Variants in KCTD17 observed in about 807,000 individuals in gnomAD.
KCTD17 encodes BTB/POZ domain-containing protein KCTD17.
A neutral mutation model predicts 41.5 loss-of-function variants in KCTD17; 20 were observed. The ratio of observed to expected loss-of-function variants is 0.48; its 90% CI spans 0.34 to 0.70. KCTD17 has a LOEUF of 0.70. Ranked by LOEUF, KCTD17 falls within the 30% of genes least tolerant of loss-of-function variation. The pLI, the probability that KCTD17 is intolerant of heterozygous loss-of-function variation, is 0.01. For synonymous variants in KCTD17, 156 were observed against 173.8 expected, an observed-to-expected ratio of 0.90 and a Z score of 0.80; for missense variants, 317 against 427.2, an observed-to-expected ratio of 0.74 and a Z score of 2.27.
rs569434734 is a variant in KCTD17, at chr22:37,059,769, G to A, written c.612+331G>A. Among the ~76,000 whole-genome samples, 11 of 152,336 alleles carry A rather than the reference G, an allele frequency of 7.2e-5. No individual in the cohort carries two copies. In the South Asian group the frequency reaches 1.7e-3, roughly 23 times the overall value. On this transcript the variant is annotated intron_variant, in intron 5 of 8. Coordinates refer to ENST00000403888, the MANE Select transcript of KCTD17 (RefSeq NM_001282684.2). ...GGCACTCTCTGTGTGACTTAGGACA[G>A]GGCTTGTCCTCTCCCAGCACCTTTG...
intron 3 of KCTD17, among the ~76,000 whole-genome samples, chr22:37,057,112 C>A (rs1263229607): frequency 6.6e-6 from 1 of 152,188 alleles, no homozygotes; most frequent in Non-Finnish European, 1.5e-5. Flanking sequence ...TCTCCTTCAC[C>A]CTTGAGCTGG....
intron 4 of KCTD17, 36 bp downstream of exon 4, chr22:37,057,529 C>G: frequency 6.5e-7 from 1 of 1,545,940 alleles, no homozygotes; most frequent in Non-Finnish European, 8.8e-7. Context: ...CCAGGACAAC[C>G]CTGGGACCTC....
intron 2 of KCTD17, among the ~76,000 whole-genome samples, chr22:37,055,973 G>A (rs893065669): frequency 1.3e-5 from 2 of 152,202 alleles, no homozygotes; most frequent in African/African-American, 2.4e-5. Context: ...ATAATCAGGG[G>A]TCAGGCAAGG....
intron 3 of KCTD17, 149 bp downstream of exon 3, chr22:37,056,560 G>A: frequency 3.1e-6 from 2 of 645,546 alleles, no homozygotes; most frequent in Non-Finnish European, 5.4e-6. Context: ...GAGAGGCATG[G>A]TTGGGCTGAC....
Position 37,051,851 on chromosome 22 carries a change from G to A in KCTD17, c.91G>A (p.Gly31Arg). ...GGGCAAGTGGGTGCGGCTCAACGTGGGGGGCACGGTGTTCCTGACCACCCG... is the reference window on the plus strand; with the variant it reads ...GGGCAAGTGGGTGCGGCTCAACGTGAGGGGCACGGTGTTCCTGACCACCCG... ...GWGKWVRLNV[G>R]GTVFLTTRQT... The change falls in exon 1 of 9, where the codon GGG (glycine) becomes AGG (arginine). Residue 31 changes from glycine (G) to arginine (R), a missense_variant. Gly to Arg is a moderately radical substitution (Grantham distance 125). Coordinates refer to ENST00000403888, the MANE Select transcript of KCTD17 (RefSeq NM_001282684.2). The A allele has an allele frequency of 6.8e-7, 1 of 1,463,162 alleles. No individual in the cohort carries two copies. The highest frequency in any genetic ancestry group is 9.0e-7 in the Non-Finnish European group (1 of 1,106,206). The allele number at this position is 1,463,162 out of a possible 1,614,324, so 90.6% of individuals were successfully genotyped here. A position where few individuals can be genotyped will look rare whatever the true frequency, so the allele number is the denominator to read the frequency against.
chr22:37,051,936 T>A lies in KCTD17; in HGVS notation c.176T>A (p.Leu59Gln). The change falls in exon 1 of 9, where the codon CTG (leucine) becomes CAG (glutamine). Residue 59 changes from leucine to glutamine, a missense_variant. Physicochemically the swap from Leu to Gln is moderately radical, Grantham distance 113. Coordinates refer to ENST00000403888, the MANE Select transcript of KCTD17 (RefSeq NM_001282684.2). ...AGCCGCCTGTGCCAGGGGGAAGAGC[T>A]GCAGTCGGACCGGGTGAGGCCCCCG... Reference protein sequence around the residue: ...FLSRLCQGEELQSDRDETGAY... With the variant: ...FLSRLCQGEEQQSDRDETGAY... 2 of 1,492,148 alleles carry A rather than the reference T, an allele frequency of 1.3e-6. No homozygotes were observed. Among genetic ancestry groups the A allele is most frequent in the Admixed American group, 2.1e-5 (1 of 47,542 alleles). The allele number at this position is 1,492,148 out of a possible 1,614,324, so 92.4% of individuals were successfully genotyped here. A position where few individuals can be genotyped will look rare whatever the true frequency, so the allele number is the denominator to read the frequency against.
chr22:37,056,284 G>A, intron 2 of KCTD17, 36 bp from the exon 3 acceptor site: 1 of 1,584,006 alleles, frequency 6.3e-7, no homozygotes, highest in East Asian at 2.3e-5. Context: ...CATGGAGGCA[G>A]AAGGAGTGAC....
At chr22:37,056,507 C>A in intron 3 of KCTD17, 96 bp downstream of exon 3, 1 of 1,029,954 alleles carries the variant, frequency 9.7e-7, no homozygotes, top group Non-Finnish European at 1.5e-6. Context: ...TTGGGAGAGA[C>A]AGGACCAGTG....
intron 1 of KCTD17, 162 bp downstream of exon 1, chr22:37,052,111 G>T (rs1042591163): frequency 3.4e-6 from 3 of 877,954 alleles, no homozygotes; most frequent in East Asian, 7.1e-5. Flanking sequence ...GGGGGAGGTG[G>T]GTCTGGTAGT....
Position 37,062,518 on chromosome 22 carries a change from T to C in KCTD17, c.876-7T>C, listed in dbSNP as rs775421289. ...ATCCTCCTGCCCTTCCCCTCTTTTTTTTCTAGCTGTTACAAGCCAGAGGCA... is the reference window on the plus strand; with the variant it reads ...ATCCTCCTGCCCTTCCCCTCTTTTTCTTCTAGCTGTTACAAGCCAGAGGCA... On this transcript the variant is annotated splice_region_variant and splice_polypyrimidine_tract_variant and intron_variant, in intron 8 of 8. Transcript: ENST00000403888. 1.9e-6 allele frequency: 3 copies of C among 1,612,516 alleles called. No homozygotes were observed. In the South Asian group the frequency reaches 3.3e-5, roughly 18 times the overall value.
chr22:37,052,095 AGGGGAG>A, intron 1 of KCTD17, 146 bp downstream of exon 1: 1 of 384,208 alleles, frequency 2.6e-6, no homozygotes, highest in Non-Finnish European at 3.9e-6. Flanking sequence ...CGGCAGGAGG[AGGGGAG>A]GGGGAGGTGG....
chr22:37,061,278 G>A lies in KCTD17; in HGVS notation c.784+103G>A, dbSNP rs1481540886. 5.9e-6 allele frequency: 9 copies of A among 1,536,826 alleles called. No homozygotes were observed. Among genetic ancestry groups the A allele is most frequent in the South Asian group, 2.4e-5 (2 of 83,446 alleles). On this transcript the variant is annotated intron_variant, in intron 7 of 8. Coordinates refer to ENST00000403888, the MANE Select transcript of KCTD17 (RefSeq NM_001282684.2). This position sits in a 1 kb window ranked among gnomAD's most constrained non-coding sequence, Gnocchi z 6.6. ...CCGGGTTTTCTCTCTGCCTGCTCACGCCTCCATCCCGGGTCTGCCCTGGTC... is the reference window on the plus strand; with the variant it reads ...CCGGGTTTTCTCTCTGCCTGCTCACACCTCCATCCCGGGTCTGCCCTGGTC...
chr22:37,056,380 G>A lies in KCTD17; in HGVS notation c.359G>A (p.Arg120Gln), dbSNP rs769868923. The stretch of plus-strand genomic sequence containing the variant: ...CCGCTGATCCGCATCATCAAAGACC[G>A]GATGGAAGAGAAGGACTACACGGTC... ...IGPLIRIIKD[R>Q]MEEKDYTVTQ... The change falls in exon 3 of 9, where the codon CGG (arginine) becomes CAG (glutamine). Residue 120 changes from arginine (R) to glutamine (Q), a missense_variant. By Grantham distance (43) the Arg-to-Gln change is conservative. Around this residue, in one of 4 missense-constraint regions of KCTD17, gnomAD observed 27 missense variants for 24.0 expected, o/e 1.13. Coordinates refer to ENST00000403888, the MANE Select transcript of KCTD17 (RefSeq NM_001282684.2). 1.4e-5 allele frequency: 23 copies of A among 1,613,560 alleles called. No individual in the cohort carries two copies. The highest frequency in any genetic ancestry group is 1.2e-4 in the South Asian group (11 of 90,998).
At chr22:37,058,461 C>T (rs1925392066) in intron 4 of KCTD17, among the ~76,000 whole-genome samples, 1 of 152,118 alleles carries the variant, frequency 6.6e-6, no homozygotes, top group African/African-American at 2.4e-5. Flanking sequence ...AAGCTTACAG[C>T]CCTCCGTAGG....
In KCTD17 at chr22:37,059,877, C is replaced by T. The variant is rs555256863; in HGVS notation, c.612+439C>T. ...TGGAACTTCTGGGATCCCAAATGGC[C>T]GTTTATTCCCCAGGGACAGGTGCAT... On this transcript the variant is annotated intron_variant, in intron 5 of 8. Transcript: ENST00000403888. Among the ~76,000 whole-genome samples the T allele has an allele frequency of 2.0e-5, 3 of 152,306 alleles. No homozygotes were observed. The East Asian group carries it at 5.8e-4, about 29-fold the overall frequency.
chr22:37,060,196 G>A (rs1313486096), intron 5 of KCTD17, among the ~76,000 whole-genome samples: 2 of 152,200 alleles, frequency 1.3e-5, no homozygotes, highest in Non-Finnish European at 2.9e-5. Context: ...GAAGAAGGCA[G>A]GCTGCTCCTC....
intron 8 of KCTD17, 105 bp from the exon 9 acceptor site, chr22:37,062,420 C>A (rs1222349703): frequency 2.3e-5 from 31 of 1,353,004 alleles, no homozygotes; most frequent in South Asian, 3.2e-5. Flanking sequence ...CCCTCTCCCC[C>A]ACCCGTCAAT....
chr22:37,059,566 A>T (rs926612236), intron 5 of KCTD17, 128 bp downstream of exon 5: 2 of 1,097,306 alleles, frequency 1.8e-6, no homozygotes, highest in Admixed American at 2.3e-5. Context: ...GCACAACCCC[A>T]TGCTCACAGC....
In KCTD17 at chr22:37,053,085, C is replaced by A. The variant is rs776379609; in HGVS notation, c.190-15C>A. Reference sequence around the variant, plus strand: ...GCCTCACTCTTCTCTCACCGAGCATCCCTCACCTCCATAGGATGAGACCGG... The same window carrying A: ...GCCTCACTCTTCTCTCACCGAGCATACCTCACCTCCATAGGATGAGACCGG... On this transcript the variant is annotated splice_polypyrimidine_tract_variant and intron_variant, in intron 1 of 8. Transcript: ENST00000403888. The surrounding 1 kb of genome is among the most constrained non-coding windows in gnomAD (Gnocchi z 4.1). The A allele has an allele frequency of 7.0e-6, 11 of 1,563,700 alleles. No homozygotes were observed. In the East Asian group the frequency reaches 1.7e-4, roughly 24 times the overall value.
Sources: allele counts gnomAD v4.1 joint callset (sites outside exome capture counted in the v4.1 genomes callset), GRCh38; gene constraint gnomAD v4.1.1; regional missense constraint gnomAD v4.1.1; non-coding constraint Gnocchi (gnomAD v3.1); transcripts MANE v1.5; gene names NCBI Gene and HGNC (gene_info 2026-07-23, HGNC 2026-07-21).